TGFBI: variants seen among roughly 807,000 people sequenced by gnomAD.
TGFBI encodes transforming growth factor beta induced.
A neutral mutation model predicts 73.7 loss-of-function variants in TGFBI; 50 were observed. The ratio of observed to expected loss-of-function variants is 0.68; its 90% CI spans 0.54 to 0.86. TGFBI has a LOEUF of 0.86. Among genes scored for constraint, TGFBI ranks in the 40% least tolerant of loss-of-function variants. The pLI, the probability that TGFBI is intolerant of heterozygous loss-of-function variation, is 0.00. For missense variants in TGFBI, 839 were observed against 877.0 expected, an observed-to-expected ratio of 0.96 and a Z score of 0.55; for synonymous variants, 362 against 360.5, an observed-to-expected ratio of 1.00 and a Z score of -0.05.
At chr5:136,060,283 C>T (rs1751723792) in intron 13 of TGFBI, among the ~76,000 whole-genome samples, 1 of 152,196 alleles carries the variant, frequency 6.6e-6, no homozygotes, top group African/African-American at 2.4e-5. Context: ...CACAAAAAAG[C>T]ATTATGTAAA....
rs746455784 is a variant in TGFBI, at chr5:136,056,750, G to A, written c.1633G>A (p.Glu545Lys). 54 of 1,613,818 alleles carry A rather than the reference G, an allele frequency of 3.3e-5. No individual in the cohort carries two copies. Among genetic ancestry groups the A allele is most frequent in the Admixed American group, 1.7e-4 (10 of 60,000 alleles). The stretch of plus-strand genomic sequence containing the variant: ...CTACACAGTCTTTGCTCCCACAAAT[G>A]AAGCCTTCCGAGCCCTGCCACCAAG... ...GVYTVFAPTN[E>K]AFRALPPRER... The change falls in exon 12 of 17, where the codon GAA (glutamate) becomes AAA (lysine). Residue 545 changes from glutamate to lysine, a missense_variant. Physicochemically the swap from Glu to Lys is moderately conservative, Grantham distance 56. Transcript: ENST00000442011.
chr5:136,063,390 G>A lies in TGFBI; in HGVS notation c.*164G>A. The A allele has an allele frequency of 1.5e-6, 1 of 653,628 alleles. No homozygotes were observed. The highest frequency in any genetic ancestry group is 2.7e-6 in the Non-Finnish European group (1 of 371,582). The allele number at this position is 653,628 out of a possible 1,614,324, so 40.5% of individuals were successfully genotyped here. On this transcript the variant is annotated 3_prime_UTR_variant, in exon 17 of 17. Transcript: ENST00000442011. ...CCTTGTGCATGTGGGGGAGGAGGGA[G>A]AGAGATGTACTTTTTAAATCATGTT...
intron 2 of TGFBI, among the ~76,000 whole-genome samples, chr5:136,039,761 G>A (rs1047598380): frequency 6.6e-6 from 1 of 152,216 alleles, no homozygotes; most frequent in Non-Finnish European, 1.5e-5. Flanking sequence ...GGGCTGTAGT[G>A]GTTGAGGCCT....
chr5:136,049,700 C>A, intron 7 of TGFBI, 120 bp downstream of exon 7: 1 of 1,230,440 alleles, frequency 8.1e-7, no homozygotes, highest in Non-Finnish European at 1.1e-6. Flanking sequence ...ATATCCACTG[C>A]AGCCATGGGC....
intron 2 of TGFBI, among the ~76,000 whole-genome samples, chr5:136,034,334 T>C (rs1216998093): frequency 1.3e-5 from 2 of 151,920 alleles, no homozygotes; most frequent in Non-Finnish European, 2.9e-5. Flanking sequence ...GCATATAATA[T>C]TTGCACAGAC....
chr5:136,049,174 A>G (rs1233607093), intron 6 of TGFBI: 1 of 410,666 alleles, frequency 2.4e-6, no homozygotes, highest in East Asian at 3.9e-5. Flanking sequence ...AAGAGCAGAG[A>G]GGACAGCAGG....
At chr5:136,053,869 A>T in intron 8 of TGFBI, 74 bp from the exon 9 acceptor site, 6 of 1,594,320 alleles carry the variant, frequency 3.8e-6, no homozygotes, top group Non-Finnish European at 3.4e-6. Flanking sequence ...GATGTGTGTC[A>T]TGCCCTGGGG....
intron 6 of TGFBI, chr5:136,047,784 G>A: frequency 4.8e-6 from 1 of 210,122 alleles, no homozygotes; most frequent in Non-Finnish European, 9.6e-6. Context: ...TGTGTGCTTT[G>A]GGATCACATG....
In TGFBI at chr5:136,061,575, C is replaced by A. The variant is rs778881982; in HGVS notation, c.1982C>A (p.Ser661Tyr). 5.0e-6 allele frequency: 8 copies of A among 1,613,356 alleles called. No individual in the cohort carries two copies. The highest frequency in any genetic ancestry group is 2.7e-5 in the African/African-American group (2 of 74,942). Reference protein sequence around the residue: ...LEIFKQASAFSRASQRSVRLA... With the variant: ...LEIFKQASAFYRASQRSVRLA... ...ATCTTCAAACAAGCATCAGCGTTTT[C>A]CAGGGTAAGATGCCTGCTAGGTTTG... Residue 661 changes from serine (S) to tyrosine (Y), a missense_variant, in exon 15 of 17, where the codon TCC (serine) becomes TAC (tyrosine). Transcript: ENST00000442011.
intron 2 of TGFBI, among the ~76,000 whole-genome samples, chr5:136,039,069 C>G (rs1751283185): frequency 6.6e-6 from 1 of 152,164 alleles, no homozygotes; most frequent in Non-Finnish European, 1.5e-5. Context: ...GTACTTTTAT[C>G]AATGGTCTCA....
chr5:136,050,594 G>A (rs1412397555), intron 7 of TGFBI, among the ~76,000 whole-genome samples: 1 of 152,204 alleles, frequency 6.6e-6, no homozygotes, highest in African/African-American at 2.4e-5. Context: ...TGAGTCCCCT[G>A]AAATGCAGGG....
chr5:136,034,378 G>A (rs549952572), intron 2 of TGFBI, among the ~76,000 whole-genome samples: 94 of 151,948 alleles, frequency 6.2e-4, no homozygotes, highest in Non-Finnish European at 1.1e-3. Flanking sequence ...ACCTGGGCCA[G>A]TCGATTCATC....
At chr5:136,046,284 T>A (rs1422255434) in intron 3 of TGFBI, 51 bp from the exon 4 acceptor site, 1 of 1,606,188 alleles carries the variant, frequency 6.2e-7, no homozygotes, top group Non-Finnish European at 8.5e-7. Context: ...GAGGGTGTGG[T>A]TGGGCTGGAC....
intron 11 of TGFBI, 21 bp from the exon 12 acceptor site, chr5:136,056,644 T>C (rs1172563162): frequency 6.2e-7 from 1 of 1,613,672 alleles, no homozygotes; most frequent in Non-Finnish European, 8.5e-7. Context: ...CAGGTGACAT[T>C]TTCTGTGTGT....
At position 136,046,839 on chromosome 5, in the gene TGFBI, C is replaced by T; in HGVS notation, c.460-12C>T. 2.5e-6 allele frequency: 4 copies of T among 1,610,160 alleles called. No individual in the cohort carries two copies. The highest frequency in any genetic ancestry group is 3.4e-6 in the Non-Finnish European group (4 of 1,177,568). ...CTGCAGCCCCTAACTGACACCCTGTCCTTCCTCCTAGGAAGTGCTGGACTC... is the reference window on the plus strand; with the variant it reads ...CTGCAGCCCCTAACTGACACCCTGTTCTTCCTCCTAGGAAGTGCTGGACTC... On this transcript the variant is annotated splice_polypyrimidine_tract_variant and intron_variant, in intron 4 of 16. Transcript: ENST00000442011.
chr5:136,032,241 C>A (rs184684307), intron 1 of TGFBI, among the ~76,000 whole-genome samples: 1 of 152,270 alleles, frequency 6.6e-6, no homozygotes, highest in Non-Finnish European at 1.5e-5. Context: ...CCTTCTCCAG[C>A]CTTCACTTCT....
intron 2 of TGFBI, among the ~76,000 whole-genome samples, chr5:136,038,881 G>A (rs139307314): frequency 1.7e-3 from 254 of 152,300 alleles, no homozygotes; most frequent in Non-Finnish European, 2.8e-3. Context: ...CCTCTGTGAG[G>A]AATGCAGCCT....
chr5:136,034,328 A>G (rs1198254994), intron 2 of TGFBI, among the ~76,000 whole-genome samples: 1 of 152,080 alleles, frequency 6.6e-6, no homozygotes, highest in Non-Finnish European at 1.5e-5. Flanking sequence ...AGCATAGCAT[A>G]TAATATTTGC....
chr5:136,046,011 T>C (rs1180379463), intron 3 of TGFBI: 3 of 213,008 alleles, frequency 1.4e-5, no homozygotes, highest in African/African-American at 4.5e-5. Context: ...GACTAGTTTG[T>C]AATTAGGATA....
Sources: gnomAD v4.1 joint callset for allele counts (sites outside exome capture counted in the v4.1 genomes callset) on GRCh38, gnomAD v4.1.1 for gene constraint, MANE v1.5 for transcripts, NCBI Gene and HGNC (gene_info 2026-07-23, HGNC 2026-07-21) for gene names.